Variants in DAZL observed in about 807,000 individuals in gnomAD.
DAZL encodes deleted in azoospermia-like.
DAZL carries 4 observed loss-of-function variants against 45.0 expected under a neutral mutation model. That is an observed-to-expected ratio of 0.09 (90% CI 0.04 to 0.20). The LOEUF (loss-of-function observed/expected upper bound fraction) is 0.20. DAZL is among the 10% of genes least tolerant of loss of function. The pLI is 1.00. For missense variants in DAZL, 326 were observed against 351.3 expected (o/e 0.93, Z 0.58); for synonymous variants, 122 against 112.4 (o/e 1.09, Z -0.54).
At position 16,588,588 on chromosome 3, in the gene DAZL, A is replaced by G. The variant is rs545623852; in HGVS notation, c.*72T>C. 41 of 1,204,308 alleles carry G rather than the reference A, an allele frequency of 3.4e-5. No individual in the cohort carries two copies. The highest frequency in any genetic ancestry group is 5.1e-5 in the Admixed American group (3 of 59,210). The allele number at this position is 1,204,308 out of a possible 1,614,324, so 74.6% of individuals were successfully genotyped here. A position where few individuals can be genotyped will look rare whatever the true frequency, so the allele number is the denominator to read the frequency against. On this transcript the variant is annotated 3_prime_UTR_variant, in exon 11 of 11. Coordinates refer to ENST00000399444, the MANE Select transcript of DAZL (RefSeq NM_001351.4). Reference sequence around the variant, plus strand: ...TGATTTACCAAAATTCAGAATTTCTATAATAGTGGAAACCTTTTAGCTTAA... The same window carrying G: ...TGATTTACCAAAATTCAGAATTTCTGTAATAGTGGAAACCTTTTAGCTTAA...
At chr3:16,599,419 T>G (rs1409673238) in intron 1 of DAZL, among the ~76,000 whole-genome samples, 2 of 152,206 alleles carry the variant, frequency 1.3e-5, no homozygotes, top group Non-Finnish European at 2.9e-5. Context: ...TTTTACAATT[T>G]TAACGCTGTG....
intron 1 of DAZL, among the ~76,000 whole-genome samples, chr3:16,604,057 G>T (rs986174702): frequency 2.6e-5 from 4 of 152,078 alleles, no homozygotes; most frequent in Admixed American, 2.0e-4. Flanking sequence ...ACAACTCAAG[G>T]TGATTACTTT....
chr3:16,591,687 G>GCC (rs1359739000), intron 10 of DAZL, among the ~76,000 whole-genome samples: 1 of 152,108 alleles, frequency 6.6e-6, no homozygotes, highest in African/African-American at 2.4e-5. Context: ...ACCCATCTCA[G>GCC]CCCCCAAAAG....
chr3:16,593,146 T>A (rs534666764), intron 9 of DAZL, among the ~76,000 whole-genome samples: 1 of 152,110 alleles, frequency 6.6e-6, no homozygotes, highest in Non-Finnish European at 1.5e-5. Flanking sequence ...TTTTGAAGAG[T>A]AGAATTCTTG....
intron 1 of DAZL, 62 bp downstream of exon 1, chr3:16,605,141 G>T (rs73142542): frequency 1.9e-6 from 3 of 1,607,308 alleles, no homozygotes; most frequent in Non-Finnish European, 2.6e-6. Flanking sequence ...CTGCAGAGCC[G>T]AGTTTCACCC....
At chr3:16,604,694 A>C in intron 1 of DAZL, 1 of 1,354,154 alleles carries the variant, frequency 7.4e-7, no homozygotes, top group Non-Finnish European at 9.4e-7. Flanking sequence ...CTCGAAGTTT[A>C]AGAAGGCAAG....
chr3:16,598,031 T>G, intron 3 of DAZL, 56 bp downstream of exon 3: 2 of 1,408,268 alleles, frequency 1.4e-6, no homozygotes, highest in South Asian at 2.3e-5. Context: ...TTTTGAAGTC[T>G]TCTCTGATAC....
In DAZL at chr3:16,588,146, T is replaced by C. The variant is rs187383615; in HGVS notation, c.*514A>G. 1 of 171,462 alleles carries C rather than the reference T, an allele frequency of 5.8e-6. No homozygotes were observed. The highest frequency in any genetic ancestry group is 1.8e-4 in the East Asian group (1 of 5,618). 10.6% of individuals were successfully genotyped at this position (171,462 alleles called of 1,614,324 possible). A position where few individuals can be genotyped will look rare whatever the true frequency, so the allele number is the denominator to read the frequency against. On this transcript the variant is annotated 3_prime_UTR_variant, in exon 11 of 11. Coordinates refer to ENST00000399444, the MANE Select transcript of DAZL (RefSeq NM_001351.4). Reference sequence around the variant, plus strand: ...CTGGGTTTAGATAAGAAGACTTCAATAAAGCTAACTATATATTGAGTTCCA... The same window carrying C: ...CTGGGTTTAGATAAGAAGACTTCAACAAAGCTAACTATATATTGAGTTCCA...
chr3:16,600,161 C>G (rs1694661423), intron 1 of DAZL, among the ~76,000 whole-genome samples: 1 of 151,986 alleles, frequency 6.6e-6, no homozygotes, highest in Non-Finnish European at 1.5e-5. Flanking sequence ...CTACAAAAAG[C>G]TGCAAAAGAG....
intron 9 of DAZL, 57 bp downstream of exon 9, chr3:16,593,598 T>C (rs1256243053): frequency 9.0e-7 from 1 of 1,115,188 alleles, no homozygotes; most frequent in Non-Finnish European, 1.3e-6. Context: ...CAAAAAACCA[T>C]TATTAAAACT....
chr3:16,592,239 C>T, intron 9 of DAZL, 91 bp from the exon 10 acceptor site: 1 of 1,535,176 alleles, frequency 6.5e-7, no homozygotes, highest in Non-Finnish European at 8.9e-7. Flanking sequence ...GAATATATTA[C>T]TTTATTTCTA....
At chr3:16,598,255 G>A in intron 2 of DAZL, 77 bp from the exon 3 acceptor site, 3 of 1,437,894 alleles carry the variant, frequency 2.1e-6, no homozygotes, top group South Asian at 2.3e-5. Flanking sequence ...AAGGTTCGAT[G>A]ATGTGACAAT....
chr3:16,600,442 CTTTT>C (rs924486151), intron 1 of DAZL, among the ~76,000 whole-genome samples: 4 of 152,052 alleles, frequency 2.6e-5, no homozygotes, highest in Non-Finnish European at 4.4e-5. Context: ...CTAATTCTTT[CTTTT>C]AATAGTGGTA....
rs143370064 is a variant in DAZL, at chr3:16,601,799, T to C, written c.4-3201A>G. Among the ~76,000 whole-genome samples, 82 of 152,320 alleles carry C rather than the reference T, an allele frequency of 5.4e-4. 1 individual carries two copies. In the East Asian group the frequency reaches 0.015, roughly 28 times the overall value. On this transcript the variant is annotated intron_variant, in intron 1 of 10. Transcript: ENST00000399444. ...AAGACCATCATATACACAACTCTCA[T>C]TGTTATTTATAGCAAACATATTCCT...
chr3:16,588,739 T>C (rs774396391), intron 10 of DAZL, 26 bp from the exon 11 acceptor site: 3 of 1,599,500 alleles, frequency 1.9e-6, no homozygotes, highest in East Asian at 2.2e-5. Context: ...AGAGTCCTTT[T>C]ACTTTACTGA....
intron 8 of DAZL, 75 bp from the exon 9 acceptor site, chr3:16,593,843 C>A: frequency 1.1e-6 from 1 of 916,358 alleles, no homozygotes; most frequent in Non-Finnish European, 1.7e-6. Flanking sequence ...CTTCAAAAAG[C>A]TAAGCTGGTA....
intron 5 of DAZL, 35 bp from the exon 6 acceptor site, chr3:16,596,924 AGTTCTTTG>A (rs1269081980): frequency 2.5e-6 from 4 of 1,613,582 alleles, no homozygotes; most frequent in Non-Finnish European, 3.4e-6. Flanking sequence ...GCCTATTTTT[AGTTCTTTG>A]AAAAGCTACA....
rs372991034 is a variant in DAZL at position 16,604,640 on chromosome 3, G to A, written c.3+563C>T. The A allele has an allele frequency of 3.3e-3, 4,377 of 1,314,046 alleles. 78 individuals carry two copies. The South Asian group carries it at 0.039, about 12-fold the overall frequency. 81.4% of individuals were successfully genotyped at this position (1,314,046 alleles called of 1,614,324 possible). On this transcript the variant is annotated intron_variant, in intron 1 of 10. Transcript: ENST00000399444. ...CCACGAACCCCGCCCACCCCACCAA[G>A]TACAGGGACCAGGAGGGAACCACTT...
rs766352353 is a variant in DAZL at position 16,592,073 on chromosome 3, C to T, written c.811G>A (p.Val271Ile). ...ACCTTGAAGTAGTCATCTTGAGTAACAACAGAGTTTCTCAGTCTGTTCTCT... is the reference window on the plus strand; with the variant it reads ...ACCTTGAAGTAGTCATCTTGAGTAATAACAGAGTTTCTCAGTCTGTTCTCT... ...NPENRLRNSV[V>I]TQDDYFKDKR... is the part of the protein sequence containing the mutation. Residue 271 changes from valine (V) to isoleucine (I), a missense_variant, in exon 10 of 11, where the codon GTT becomes ATT. Val to Ile is a conservative substitution (Grantham distance 29, BLOSUM62 3). Around this residue, in one of 3 missense-constraint regions of DAZL, gnomAD observed 227 missense variants for 216.6 expected, o/e 1.05. Transcript: ENST00000399444. The T allele has an allele frequency of 3.7e-6, 6 of 1,613,472 alleles. No homozygotes were observed. The Admixed American group carries it at 8.3e-5, about 22-fold the overall frequency.
Sources: gnomAD v4.1 joint callset for allele counts (sites outside exome capture counted in the v4.1 genomes callset) on GRCh38, gnomAD v4.1.1 for gene constraint, gnomAD v4.1.1 regional missense constraint, MANE v1.5 for transcripts, NCBI Gene and HGNC (gene_info 2026-07-23, HGNC 2026-07-21) for gene names.